The following RBFOX1 variants were observed in gnomAD, a reference collection of about 807,000 sequenced individuals.
RBFOX1 encodes RNA binding protein fox-1 homolog 1.
A neutral mutation model predicts 57.7 loss-of-function variants in RBFOX1; 8 were observed. That is an observed-to-expected ratio of 0.14 (90% CI 0.08 to 0.25). The LOEUF (loss-of-function observed/expected upper bound fraction) is 0.25, where lower values mean the gene tolerates loss of function less well. Ranked by LOEUF, RBFOX1 falls within the 10% of genes least tolerant of loss-of-function variation. The probability of loss-of-function intolerance (pLI) is 1.00; values close to 1 mark genes in which losing one functional copy is unlikely to be tolerated. For synonymous variants in RBFOX1, 326 were observed against 222.4 expected, an observed-to-expected ratio of 1.47 and a Z score of -4.15; for missense variants, 611 against 548.5, an observed-to-expected ratio of 1.11 and a Z score of -1.14.
chr16:5,609,858 G>A (rs2047712395), intron 3 of RBFOX1, among the ~76,000 whole-genome samples: 1 of 147,772 alleles, frequency 6.8e-6, no homozygotes, highest in Non-Finnish European at 1.5e-5. Flanking sequence ...GGGAGCAGAG[G>A]ACTGTGCAGA....
At chr16:6,231,491 A>T (rs1018853025) in intron 1 of RBFOX1, among the ~76,000 whole-genome samples, 10 of 152,208 alleles carry the variant, frequency 6.6e-5, no homozygotes, top group Admixed American at 6.5e-4. Flanking sequence ...GGAGCACCAG[A>T]TGGGGAGTAA....
chr16:5,465,250 C>G lies in RBFOX1; in HGVS notation c.220-1966C>G, dbSNP rs371483807. Among the ~76,000 whole-genome samples the G allele has an allele frequency of 3.0e-4, 45 of 152,190 alleles. 1 individual carries two copies. Among genetic ancestry groups the G allele is most frequent in the African/African-American group, 1.0e-3 (43 of 41,436 alleles). On this transcript the variant is annotated intron_variant, in intron 1 of 2. Coordinates refer to the RBFOX1 transcript ENST00000585867. ...TGGCCATCTCCTTGCTGCGTCCTCA[C>G]CTGGCCTTTCTTCTCTGCTGCTGCA...
intron 3 of RBFOX1, among the ~76,000 whole-genome samples, chr16:6,915,461 T>C (rs1353591869): frequency 6.6e-6 from 1 of 152,150 alleles, no homozygotes; most frequent in Non-Finnish European, 1.5e-5. Flanking sequence ...TTTCAAAAAT[T>C]ATTCCTTAAA....
At chr16:5,999,215 C>A (rs1001596533) in intron 4 of RBFOX1, among the ~76,000 whole-genome samples, 7 of 152,192 alleles carry the variant, frequency 4.6e-5, no homozygotes, top group Non-Finnish European at 7.3e-5. Context: ...ATTTACTCAC[C>A]TCTTCCCTTC....
chr16:7,286,664 C>G lies in RBFOX1; in HGVS notation c.28-231483C>G, dbSNP rs942118885. On this transcript the variant is annotated intron_variant, in intron 4 of 15. Coordinates refer to ENST00000550418, the MANE Select transcript of RBFOX1 (RefSeq NM_018723.4). ...TTTGAGACAGAGTCTTACTCTGTCA[C>G]CCAGGATGGAGTGCAGTGGCGAGAT... Among the ~76,000 whole-genome samples, 3 of 144,010 alleles carry G rather than the reference C, an allele frequency of 2.1e-5. No homozygotes were observed. The South Asian group carries it at 6.7e-4, about 32-fold the overall frequency. The allele number at this position is 144,010 out of a possible 152,430, so 94.5% of individuals were successfully genotyped here.
At chr16:5,520,533 C>T (rs1269339679) in intron 2 of RBFOX1, among the ~76,000 whole-genome samples, 1 of 152,188 alleles carries the variant, frequency 6.6e-6, no homozygotes, top group Non-Finnish European at 1.5e-5. Context: ...AATTCTCTCC[C>T]TTCCTATATC....
intron 1 of RBFOX1, among the ~76,000 whole-genome samples, chr16:6,101,861 G>A (rs982942652): frequency 2.6e-5 from 4 of 152,182 alleles, no homozygotes; most frequent in African/African-American, 7.2e-5. Context: ...GGCAGCTGTA[G>A]TGGGAATCTG....
At chr16:7,583,422 G>C (rs1391936494) in intron 6 of RBFOX1, among the ~76,000 whole-genome samples, 2 of 152,184 alleles carry the variant, frequency 1.3e-5, no homozygotes, top group Non-Finnish European at 2.9e-5. Context: ...GATCCCAAAA[G>C]AGGAATATAT....
At chr16:6,651,855 T>C (rs939907126) in intron 2 of RBFOX1, among the ~76,000 whole-genome samples, 1 of 152,168 alleles carries the variant, frequency 6.6e-6, no homozygotes, top group Non-Finnish European at 1.5e-5. Context: ...CCAAATGTGG[T>C]CTCTCCATAC....
At chr16:6,224,335 T>C (rs2097400149) in intron 1 of RBFOX1, among the ~76,000 whole-genome samples, 1 of 152,094 alleles carries the variant, frequency 6.6e-6, no homozygotes, top group African/African-American at 2.4e-5. Context: ...TTTCTAACCA[T>C]GAGCATGGAA....
chr16:6,035,219 T>G (rs932792594), intron 1 of RBFOX1, among the ~76,000 whole-genome samples: 2 of 152,210 alleles, frequency 1.3e-5, no homozygotes, highest in African/African-American at 4.8e-5. Context: ...GAGCAAAATA[T>G]GCCGTGGGCA....
intron 4 of RBFOX1, among the ~76,000 whole-genome samples, chr16:7,245,933 A>G (rs975545943): frequency 6.6e-6 from 1 of 152,222 alleles, no homozygotes; most frequent in Non-Finnish European, 1.5e-5. Flanking sequence ...AGCTTGAAAC[A>G]GTTCAACAAA....
chr16:6,441,292 A>G (rs2094374756), intron 2 of RBFOX1, among the ~76,000 whole-genome samples: 1 of 152,206 alleles, frequency 6.6e-6, no homozygotes, highest in African/African-American at 2.4e-5. Flanking sequence ...TAGGACCCAG[A>G]CATCCTAAGG....
intron 3 of RBFOX1, among the ~76,000 whole-genome samples, chr16:7,030,442 C>G (rs2042494321): frequency 6.6e-6 from 1 of 152,182 alleles, no homozygotes; most frequent in Non-Finnish European, 1.5e-5. Context: ...GTCAGCAAGG[C>G]CAAGTTCCTT....
intron 4 of RBFOX1, among the ~76,000 whole-genome samples, chr16:7,479,638 C>T (rs2063476245): frequency 6.6e-6 from 1 of 152,086 alleles, no homozygotes; most frequent in Non-Finnish European, 1.5e-5. Context: ...AAGGATGCAG[C>T]TTCTTCTGCT....
chr16:5,714,958 T>C (rs1442605620), intron 3 of RBFOX1, among the ~76,000 whole-genome samples: 2 of 152,220 alleles, frequency 1.3e-5, no homozygotes, highest in African/African-American at 4.8e-5. Context: ...TGAGTAACTA[T>C]ACTTCCAGTT....
At chr16:5,519,627 A>G (rs903754429) in intron 2 of RBFOX1, among the ~76,000 whole-genome samples, 6 of 152,266 alleles carry the variant, frequency 3.9e-5, no homozygotes, top group Middle Eastern at 3.4e-3. Context: ...CTGGAGGCTG[A>G]GGCAAGAAGA....
intron 1 of RBFOX1, among the ~76,000 whole-genome samples, chr16:5,296,072 C>G (rs1050991305): frequency 3.4e-4 from 32 of 95,290 alleles, no homozygotes; most frequent in African/African-American, 7.4e-4. Context: ...CTCCATTGCG[C>G]CCGGGTTCCC....
chr16:6,861,891 T>C (rs2059091315), intron 3 of RBFOX1, among the ~76,000 whole-genome samples: 1 of 142,800 alleles, frequency 7.0e-6, no homozygotes, highest in Non-Finnish European at 1.5e-5. Flanking sequence ...CCCAGAAATG[T>C]CGTTAACATT....
Sources: gnomAD v4.1 joint callset for allele counts (sites outside exome capture counted in the v4.1 genomes callset) on GRCh38, gnomAD v4.1.1 for gene constraint, MANE v1.5 for transcripts, NCBI Gene and HGNC (gene_info 2026-07-23, HGNC 2026-07-21) for gene names.